PCDHGA9: variants seen among roughly 807,000 people sequenced by gnomAD.
The protein encoded by PCDHGA9 is protocadherin gamma-A9.
Under a neutral mutation model 62.5 loss-of-function variants are expected in PCDHGA9, and 37 were observed. The observed-to-expected ratio is 0.59, with a 90% CI of 0.46 to 0.78. PCDHGA9 has a LOEUF of 0.78. Among genes scored for constraint, PCDHGA9 ranks in the 30% least tolerant of loss-of-function variants. The pLI is 0.00. For synonymous variants in PCDHGA9, 459 were observed against 484.6 expected (o/e 0.95, Z 0.69); for missense variants, 1,138 against 1,166.2 (o/e 0.98, Z 0.35).
intron 1 of PCDHGA9, chr5:141,408,700 A>G (rs748315700): frequency 3.1e-6 from 5 of 1,613,470 alleles, no homozygotes; most frequent in Admixed American, 3.3e-5. Flanking sequence ...ACATAAACTC[A>G]ATTAAAGATT....
Position 141,489,857 on chromosome 5 carries a change from C to T in PCDHGA9, c.2425-4950C>T. 2 of 1,614,166 alleles carry T rather than the reference C, an allele frequency of 1.2e-6. No individual in the cohort carries two copies. On this transcript the variant is annotated intron_variant, in intron 1 of 3. Coordinates refer to ENST00000573521, the MANE Select transcript of PCDHGA9 (RefSeq NM_018921.3). This position sits in a 1 kb window ranked among gnomAD's most constrained non-coding sequence, Gnocchi z 4.5. ...CAGCAGCTGGATCGTGAAGCCCAGGCAAGACATCAGCTGGTGCTTACTGCT... is the reference window on the plus strand; with the variant it reads ...CAGCAGCTGGATCGTGAAGCCCAGGTAAGACATCAGCTGGTGCTTACTGCT...
At chr5:141,418,855 A>C in intron 1 of PCDHGA9, 1 of 1,614,042 alleles carries the variant, frequency 6.2e-7, no homozygotes, top group Non-Finnish European at 8.5e-7. Context: ...CACGGTGTAA[A>C]GTAATTGTAG....
At chr5:141,433,264 G>T in intron 1 of PCDHGA9, 1 of 1,314,872 alleles carries the variant, frequency 7.6e-7, no homozygotes, top group South Asian at 1.4e-5. Flanking sequence ...TACGATCATA[G>T]CTCACTGCAG....
intron 2 of PCDHGA9, among the ~76,000 whole-genome samples, chr5:141,498,963 GGGAGGGAGGGAAGGAAGGAA>G (rs1472475865): frequency 5.7e-4 from 74 of 129,970 alleles, no homozygotes; most frequent in Non-Finnish European, 2.6e-4. Flanking sequence ...GAGAGAGGGA[GGGAGGGAGGGAAGGAAGGAA>G]GGAAGGAAGG....
chr5:141,425,585 A>T (rs1270579511), intron 1 of PCDHGA9, among the ~76,000 whole-genome samples: 1 of 152,252 alleles, frequency 6.6e-6, no homozygotes, highest in Non-Finnish European at 1.5e-5. Context: ...GGCTAACTTT[A>T]TTCTGAATAT....
intron 1 of PCDHGA9, among the ~76,000 whole-genome samples, chr5:141,430,357 T>C (rs1258305414): frequency 1.3e-5 from 2 of 149,904 alleles, no homozygotes; most frequent in Non-Finnish European, 3.0e-5. Context: ...ATTTAAAAGC[T>C]CATTGGGGAA....
chr5:141,408,316 G>A (rs1407149479), intron 1 of PCDHGA9: 3 of 1,613,750 alleles, frequency 1.9e-6, no homozygotes, highest in African/African-American at 1.3e-5. Context: ...ACTCGATTCC[G>A]GAGGAGCTGG....
At chr5:141,459,723 T>G (rs1024452676) in intron 1 of PCDHGA9, among the ~76,000 whole-genome samples, 3 of 152,254 alleles carry the variant, frequency 2.0e-5, no homozygotes, top group African/African-American at 7.2e-5. Context: ...ATGCTTCCTA[T>G]TGTCAATTTT....
intron 2 of PCDHGA9, among the ~76,000 whole-genome samples, chr5:141,498,815 C>T (rs1595543994): frequency 6.6e-6 from 1 of 152,032 alleles, no homozygotes. Flanking sequence ...CACCTGTAGT[C>T]CCAGCTACTC....
chr5:141,440,905 C>A (rs986711694), intron 1 of PCDHGA9: 1 of 152,184 alleles, frequency 6.6e-6, no homozygotes, highest in East Asian at 1.9e-4. Context: ...TGCATCCGGG[C>A]ACTCCTGTGC....
intron 1 of PCDHGA9, chr5:141,409,594 C>A: frequency 1.2e-6 from 2 of 1,613,900 alleles, no homozygotes; most frequent in Non-Finnish European, 1.7e-6. Flanking sequence ...TGGCCGAGAA[C>A]AACCCGCCAG....
Position 141,422,340 on chromosome 5 carries a change from T to C in PCDHGA9, c.2424+16964T>C, listed in dbSNP as rs776306472. ...CAGGTACAGTGATTGCTCTTCTAAA[T>C]GTGCAAGATCAAGATTCTGGAGAAA... On this transcript the variant is annotated intron_variant, in intron 1 of 3. Transcript: ENST00000573521. 2.6e-6 allele frequency: 4 copies of C among 1,550,190 alleles called. 1 individual carries two copies. Among genetic ancestry groups the C allele is most frequent in the Non-Finnish European group, 3.5e-6 (4 of 1,154,238 alleles).
At chr5:141,435,054 C>A (rs891988253) in intron 1 of PCDHGA9, among the ~76,000 whole-genome samples, 7 of 151,964 alleles carry the variant, frequency 4.6e-5, no homozygotes, top group Admixed American at 1.3e-4. Context: ...ATTGACCATG[C>A]AGCAGTTTTG....
At chr5:141,427,187 C>T (rs1318380362) in intron 1 of PCDHGA9, 1 of 456,574 alleles carries the variant, frequency 2.2e-6, no homozygotes, top group Middle Eastern at 3.3e-4. Flanking sequence ...AAATTAAATC[C>T]AAAGACTTAA....
rs769617162 is a variant in PCDHGA9 at position 141,405,044 on chromosome 5, G to A, written c.2092G>A (p.Ala698Thr). The change falls in exon 1 of 4, where the codon GCA becomes ACA. Residue 698 changes from alanine (A) to threonine (T), a missense_variant. Transcript: ENST00000573521. Reference sequence around the variant, plus strand: ...TACCCTCTACCTCGTTGTGGCTGTGGCAGTCGTCTCCTGTGTCTTCCTCAC... The same window carrying A: ...TACCCTCTACCTCGTTGTGGCTGTGACAGTCGTCTCCTGTGTCTTCCTCAC... The part of the protein sequence containing the change: ...DLTLYLVVAV[A>T]VVSCVFLTFV... 1 of 1,613,938 alleles carries A rather than the reference G, an allele frequency of 6.2e-7. No homozygotes were observed. Among genetic ancestry groups the A allele is most frequent in the Admixed American group, 1.7e-5 (1 of 60,020 alleles).
At chr5:141,419,116 C>A in intron 1 of PCDHGA9, 2 of 1,613,888 alleles carry the variant, frequency 1.2e-6, no homozygotes. Context: ...CAGAGTACAA[C>A]GTCACCATCG....
chr5:141,410,202 A>G (rs766392835), intron 1 of PCDHGA9: 2 of 1,614,018 alleles, frequency 1.2e-6, no homozygotes, highest in Non-Finnish European at 1.7e-6. Flanking sequence ...TTCGCAGACA[A>G]CTTGCAAGAG....
intron 1 of PCDHGA9, chr5:141,410,165 T>G: frequency 1.9e-6 from 3 of 1,613,714 alleles, no homozygotes; most frequent in Non-Finnish European, 2.5e-6. Flanking sequence ...GCCGCCACTC[T>G]CTGCCACCGC....
intron 1 of PCDHGA9, chr5:141,410,439 G>C: frequency 6.2e-7 from 1 of 1,614,008 alleles, no homozygotes; most frequent in Non-Finnish European, 8.5e-7. Context: ...TACAGTGAGG[G>C]GACTTTGCCT....
Sources: allele counts gnomAD v4.1 joint callset (sites outside exome capture counted in the v4.1 genomes callset), GRCh38; gene constraint gnomAD v4.1.1; non-coding constraint Gnocchi (gnomAD v3.1); transcripts MANE v1.5; gene names NCBI Gene and HGNC (gene_info 2026-07-23, HGNC 2026-07-21).